Variants in PAPPA2 observed in about 807,000 individuals in gnomAD.
PAPPA2 encodes pappalysin 2.
A neutral mutation model predicts 176.4 loss-of-function variants in PAPPA2; 86 were observed. That is an observed-to-expected ratio of 0.49 (90% CI 0.41 to 0.58). The LOEUF (loss-of-function observed/expected upper bound fraction) is 0.58. Ranked by LOEUF, PAPPA2 falls within the 20% of genes least tolerant of loss-of-function variation. PAPPA2 has a pLI of 0.00. For synonymous variants in PAPPA2, 809 were observed against 852.2 expected, an observed-to-expected ratio of 0.95 and a Z score of 0.88; for missense variants, 2,073 against 2,256.9, an observed-to-expected ratio of 0.92 and a Z score of 1.65.
chr1:176,505,077 C>T (rs1455225353), intron 1 of PAPPA2, among the ~76,000 whole-genome samples: 1 of 152,006 alleles, frequency 6.6e-6, no homozygotes, highest in Non-Finnish European at 1.5e-5. Context: ...AACAGTTTTT[C>T]CTGTTGTGAA....
chr1:176,464,646 C>T (rs1488576991), intron 1 of PAPPA2, among the ~76,000 whole-genome samples: 1 of 152,188 alleles, frequency 6.6e-6, no homozygotes, highest in Non-Finnish European at 1.5e-5. Context: ...TAGCTGCCAC[C>T]AGCTCTTTGC....
chr1:176,734,464 G>A (rs1446422085), intron 12 of PAPPA2, among the ~76,000 whole-genome samples: 1 of 151,638 alleles, frequency 6.6e-6, no homozygotes, highest in Non-Finnish European at 1.5e-5. Context: ...TACTATGAAG[G>A]AATAACTCAG....
chr1:176,623,676 T>TC (rs1390040080), intron 3 of PAPPA2, among the ~76,000 whole-genome samples: 63 of 148,916 alleles, frequency 4.2e-4, no homozygotes, highest in African/African-American at 1.5e-3. Context: ...TCTTTTTCTT[T>TC]CTTTCTTTCT....
chr1:176,842,524 C>A lies in PAPPA2; in HGVS notation c.*70C>A, dbSNP rs1667526629. On this transcript the variant is annotated 3_prime_UTR_variant, in exon 23 of 23. Transcript: ENST00000367662. ...AAAGAGAGGCCGACCCAGGAGGAAA[C>A]AAAGGGTGAATGAAGAAGAACAATC... 2 of 1,346,414 alleles carry A rather than the reference C, an allele frequency of 1.5e-6. No individual in the cohort carries two copies. The highest frequency in any genetic ancestry group is 1.8e-5 in the Admixed American group (1 of 55,290). 83.4% of individuals were successfully genotyped at this position (1,346,414 alleles called of 1,614,324 possible).
At chr1:176,544,079 T>C (rs1399244309) in intron 1 of PAPPA2, among the ~76,000 whole-genome samples, 2 of 152,200 alleles carry the variant, frequency 1.3e-5, no homozygotes, top group Admixed American at 1.3e-4. Context: ...ATTTCCCTAG[T>C]GTGTCCCCAG....
chr1:176,703,988 G>T (rs942707168), intron 9 of PAPPA2, among the ~76,000 whole-genome samples: 108 of 152,070 alleles, frequency 7.1e-4, no homozygotes, highest in Non-Finnish European at 4.6e-4. Context: ...AATGTGCTGG[G>T]GGGGGTGGGT....
intron 3 of PAPPA2, among the ~76,000 whole-genome samples, chr1:176,601,365 A>G (rs145873796): frequency 1.1e-4 from 17 of 152,288 alleles, no homozygotes; most frequent in Middle Eastern, 6.8e-3. Context: ...ACAAAGATGC[A>G]TTCCTACCAC....
At chr1:176,754,030 T>C (rs1181509094) in intron 14 of PAPPA2, among the ~76,000 whole-genome samples, 1 of 151,748 alleles carries the variant, frequency 6.6e-6, no homozygotes, top group East Asian at 1.9e-4. Context: ...TTTTTTTTTT[T>C]TTTCTTTCAA....
intron 3 of PAPPA2, among the ~76,000 whole-genome samples, chr1:176,599,127 GTATTTT>G (rs1654146288): frequency 6.6e-6 from 1 of 151,634 alleles, no homozygotes; most frequent in African/African-American, 2.4e-5. Flanking sequence ...ATAATTGTGT[GTATTTT>G]TATAGGTGTG....
At chr1:176,591,303 T>C (rs907992768) in intron 2 of PAPPA2, among the ~76,000 whole-genome samples, 12 of 152,206 alleles carry the variant, frequency 7.9e-5, no homozygotes, top group African/African-American at 2.4e-4. Flanking sequence ...ACAGTCTGAC[T>C]GGTGATCAAG....
intron 14 of PAPPA2, among the ~76,000 whole-genome samples, chr1:176,744,173 A>G (rs1394631668): frequency 2.0e-5 from 3 of 152,126 alleles, no homozygotes; most frequent in African/African-American, 4.8e-5. Context: ...TTTTATCTTT[A>G]TTAGGATCAT....
intron 20 of PAPPA2, among the ~76,000 whole-genome samples, chr1:176,798,757 T>A (rs1234369688): frequency 6.6e-6 from 1 of 152,234 alleles, no homozygotes. Flanking sequence ...ACCTTATATA[T>A]TTATTTTGAT....
At chr1:176,490,947 T>A (rs1372332269) in intron 1 of PAPPA2, among the ~76,000 whole-genome samples, 1 of 152,224 alleles carries the variant, frequency 6.6e-6, no homozygotes, top group Non-Finnish European at 1.5e-5. Context: ...AGATGTCTGG[T>A]GACTATGTGG....
intron 1 of PAPPA2, among the ~76,000 whole-genome samples, chr1:176,498,836 A>G (rs1572971808): frequency 1.3e-5 from 2 of 152,008 alleles, no homozygotes; most frequent in Admixed American, 6.5e-5. Flanking sequence ...GAAGTGGCAC[A>G]AGGAAAAATA....
chr1:176,699,652 C>T (rs1435501788), intron 8 of PAPPA2, 63 bp downstream of exon 8: 3 of 1,520,838 alleles, frequency 2.0e-6, no homozygotes, highest in African/African-American at 2.8e-5. Context: ...TGTTACTTTT[C>T]CCCCACTTTT....
At chr1:176,514,038 A>G (rs1210273521) in intron 1 of PAPPA2, among the ~76,000 whole-genome samples, 4 of 152,300 alleles carry the variant, frequency 2.6e-5, no homozygotes, top group Admixed American at 1.3e-4. Flanking sequence ...TTTCAGAGAG[A>G]CAACAAGATA....
At chr1:176,532,583 G>A (rs149410485) in intron 1 of PAPPA2, among the ~76,000 whole-genome samples, 10 of 152,298 alleles carry the variant, frequency 6.6e-5, no homozygotes, top group Non-Finnish European at 1.2e-4. Flanking sequence ...GAAGTCTTAC[G>A]TGTATACCCT....
In PAPPA2 at chr1:176,557,227, C is replaced by G. The variant is rs1303326779; in HGVS notation, c.905C>G (p.Pro302Arg). 4 of 1,592,834 alleles carry G rather than the reference C, an allele frequency of 2.5e-6. No individual in the cohort carries two copies. The highest frequency in any genetic ancestry group is 3.4e-6 in the Non-Finnish European group (4 of 1,169,896). The change falls in exon 2 of 23, where the codon CCA becomes CGA. Residue 302 changes from proline (P) to arginine (R), a missense_variant. Pro to Arg is a moderately radical substitution (Grantham distance 103). This residue lies in a region of PAPPA2 where 1,196 missense variants were observed against 1,330.4 expected (regional missense o/e 0.90). Coordinates refer to ENST00000367662, the MANE Select transcript of PAPPA2 (RefSeq NM_020318.3). ...AAACCGGAGGGAGGACAGAACAACC[C>G]AGCCATCATCGCAGGTAACACCCTT... Reference protein sequence around the residue: ...WVKPEGGQNNPAIIAGVFDNC... With the variant: ...WVKPEGGQNNRAIIAGVFDNC...
intron 12 of PAPPA2, among the ~76,000 whole-genome samples, chr1:176,732,969 C>G (rs1015647179): frequency 1.3e-5 from 2 of 152,126 alleles, no homozygotes; most frequent in African/African-American, 4.8e-5. Context: ...CACCTCTTGT[C>G]AGATCGGTGG....
Sources: gnomAD v4.1 joint callset for allele counts (sites outside exome capture counted in the v4.1 genomes callset) on GRCh38, gnomAD v4.1.1 for gene constraint, gnomAD v4.1.1 regional missense constraint, MANE v1.5 for transcripts, NCBI Gene and HGNC (gene_info 2026-07-23, HGNC 2026-07-21) for gene names.